Variants in ADAMTS17 observed in about 807,000 individuals in gnomAD.
ADAMTS17 encodes ADAM metallopeptidase with thrombospondin type 1 motif 17.
In ADAMTS17, 113 loss-of-function variants were observed where a neutral mutation model predicts 141.5. That is an observed-to-expected ratio of 0.80 (90% CI 0.69 to 0.93). The LOEUF is 0.93. ADAMTS17 is among the 40% of genes least tolerant of loss of function. The pLI is 0.00. For synonymous variants in ADAMTS17, 768 were observed against 630.6 expected (o/e 1.22, Z -3.27); for missense variants, 1,659 against 1,517.9 (o/e 1.09, Z -1.54).
At chr15:100,178,730 G>A (rs2040422564) in intron 8 of ADAMTS17, among the ~76,000 whole-genome samples, 1 of 152,020 alleles carries the variant, frequency 6.6e-6, no homozygotes, top group Non-Finnish European at 1.5e-5. Flanking sequence ...TTCTTTAAGG[G>A]TCCGTTTACT....
At chr15:100,094,481 G>C (rs2035645431) in intron 15 of ADAMTS17, among the ~76,000 whole-genome samples, 1 of 152,170 alleles carries the variant, frequency 6.6e-6, no homozygotes, top group Non-Finnish European at 1.5e-5. Flanking sequence ...TCAGAGTCTG[G>C]GTAAAGGAAG....
At chr15:100,276,005 G>A (rs2044068468) in intron 4 of ADAMTS17, among the ~76,000 whole-genome samples, 2 of 69,964 alleles carry the variant, frequency 2.9e-5, no homozygotes, top group Non-Finnish European at 2.8e-5. Flanking sequence ...CTAAGTGGGA[G>A]GGTGGGAGGG....
intron 8 of ADAMTS17, among the ~76,000 whole-genome samples, chr15:100,197,384 G>A (rs953190128): frequency 2.0e-5 from 3 of 152,174 alleles, no homozygotes; most frequent in Non-Finnish European, 1.5e-5. Context: ...TAATCATTAG[G>A]TAATTGATTC....
chr15:100,301,322 G>GTT lies in ADAMTS17; in HGVS notation c.617-19923_617-19922dup, dbSNP rs201539747. Among the ~76,000 whole-genome samples the GTT allele has an allele frequency of 3.6e-3, 516 of 143,438 alleles. 5 individuals carry two copies. Among genetic ancestry groups the GTT allele is most frequent in the African/African-American group, 0.012 (483 of 39,592 alleles). The allele number at this position is 143,438 out of a possible 152,430, so 94.1% of individuals were successfully genotyped here. ...TTTCTCTCTCTACTGTTCTATGTGA[G>GTT]TTATATATATATATATATTTTTCTG... On this transcript the variant is annotated intron_variant, in intron 3 of 21. Coordinates refer to ENST00000268070, the MANE Select transcript of ADAMTS17 (RefSeq NM_139057.4).
rs973247918 is a variant in ADAMTS17, at chr15:99,974,046, C to G, written c.*356G>C. 31 of 371,264 alleles carry G rather than the reference C, an allele frequency of 8.3e-5. No homozygotes were observed. The highest frequency in any genetic ancestry group is 1.3e-4 in the Non-Finnish European group (26 of 193,580). The allele number at this position is 371,264 out of a possible 1,614,324, so 23.0% of individuals were successfully genotyped here. A position where few individuals can be genotyped will look rare whatever the true frequency, so the allele number is the denominator to read the frequency against. The stretch of plus-strand genomic sequence containing the variant: ...TGGGGATGTTTCCTCCATGATATAC[C>G]AAGCACTGGAAATTCAAATGTCAAA... On this transcript the variant is annotated 3_prime_UTR_variant, in exon 22 of 22. Transcript: ENST00000268070.
At chr15:100,233,380 C>G (rs10902565) in intron 7 of ADAMTS17, among the ~76,000 whole-genome samples, 1 of 151,584 alleles carries the variant, frequency 6.6e-6, no homozygotes, top group African/African-American at 2.4e-5. Flanking sequence ...TCATATAAGT[C>G]GCCGTTTTTT....
At position 99,972,862 on chromosome 15, in the gene ADAMTS17, T is replaced by G. The variant is rs2060239482; in HGVS notation, c.*1540A>C. ...CTGATTTAAGCTAACTCTACGGTTGTGACATGTAACAAAACAAAACACAGA... is the reference window on the plus strand; with the variant it reads ...CTGATTTAAGCTAACTCTACGGTTGGGACATGTAACAAAACAAAACACAGA... On this transcript the variant is annotated 3_prime_UTR_variant, in exon 22 of 22. Transcript: ENST00000268070. 1 of 152,138 alleles carries G rather than the reference T, an allele frequency of 6.6e-6. No individual in the cohort carries two copies. Among genetic ancestry groups the G allele is most frequent in the Non-Finnish European group, 1.5e-5 (1 of 68,040 alleles). The allele number at this position is 152,138 out of a possible 1,614,324, so 9.4% of individuals were successfully genotyped here. A position where few individuals can be genotyped will look rare whatever the true frequency, so the allele number is the denominator to read the frequency against.
chr15:100,025,405 TTTTCTTTTC>T (rs2061490101), intron 18 of ADAMTS17, among the ~76,000 whole-genome samples: 1 of 146,518 alleles, frequency 6.8e-6, no homozygotes, highest in African/African-American at 2.7e-5. Context: ...TTTTCTCTTC[TTTTCTTTTC>T]TTTTTTTTTT....
intron 3 of ADAMTS17, among the ~76,000 whole-genome samples, chr15:100,315,238 G>A (rs543658070): frequency 1.4e-4 from 21 of 152,288 alleles, no homozygotes; most frequent in African/African-American, 4.1e-4. Context: ...GGAGTCCACC[G>A]TGCAGGGGCA....
intron 15 of ADAMTS17, among the ~76,000 whole-genome samples, chr15:100,085,839 G>A (rs558051168): frequency 1.3e-5 from 2 of 152,160 alleles, no homozygotes; most frequent in South Asian, 2.1e-4. Context: ...AAGAGCTCTT[G>A]AAGGAAGCAC....
chr15:100,296,292 G>A (rs1039499013), intron 3 of ADAMTS17, among the ~76,000 whole-genome samples: 7 of 151,860 alleles, frequency 4.6e-5, no homozygotes, highest in African/African-American at 1.7e-4. Context: ...CAAAAGATCT[G>A]TTTATAGAAA....
chr15:100,199,183 C>T, intron 8 of ADAMTS17, 135 bp downstream of exon 8: 2 of 815,514 alleles, frequency 2.5e-6, no homozygotes, highest in South Asian at 2.8e-5. Context: ...CCCTAGTGTA[C>T]TGACCTGGGT....
intron 7 of ADAMTS17, among the ~76,000 whole-genome samples, chr15:100,248,256 A>C (rs1174933853): frequency 6.6e-6 from 1 of 152,158 alleles, no homozygotes; most frequent in East Asian, 1.9e-4. Flanking sequence ...CAAAAAGAAG[A>C]CTAGCTTGAT....
intron 15 of ADAMTS17, among the ~76,000 whole-genome samples, chr15:100,057,046 G>A (rs1327870353): frequency 1.3e-5 from 2 of 152,128 alleles, no homozygotes; most frequent in Non-Finnish European, 2.9e-5. Flanking sequence ...GCTCAGTGGT[G>A]TGTGGCTGCC....
chr15:100,186,590 C>T (rs926421126), intron 8 of ADAMTS17, among the ~76,000 whole-genome samples: 1 of 152,186 alleles, frequency 6.6e-6, no homozygotes, highest in African/African-American at 2.4e-5. Context: ...ATTCCAGCGC[C>T]CGGGGCAGGC....
intron 12 of ADAMTS17, among the ~76,000 whole-genome samples, chr15:100,130,268 G>A (rs1019756085): frequency 6.6e-6 from 1 of 151,690 alleles, no homozygotes; most frequent in Non-Finnish European, 1.5e-5. Context: ...CGAGGCTGAG[G>A]CAGGAGAATC....
intron 7 of ADAMTS17, among the ~76,000 whole-genome samples, chr15:100,201,711 A>T (rs1371179954): frequency 6.6e-6 from 1 of 152,148 alleles, no homozygotes; most frequent in Admixed American, 6.5e-5. Context: ...TTGCCTCAAG[A>T]TGGTTTTGTG....
intron 15 of ADAMTS17, among the ~76,000 whole-genome samples, chr15:100,075,973 C>T (rs2034344737): frequency 6.6e-6 from 1 of 152,146 alleles, no homozygotes; most frequent in Non-Finnish European, 1.5e-5. Context: ...TTTCATCTCT[C>T]TTTCTTGCTT....
At chr15:99,980,532 G>A (rs1005656682) in intron 20 of ADAMTS17, 4 of 152,226 alleles carry the variant, frequency 2.6e-5, no homozygotes, top group African/African-American at 9.7e-5. Flanking sequence ...GGATTTCTGG[G>A]GAGGAAACTG....
Sources: gnomAD v4.1 joint callset for allele counts (sites outside exome capture counted in the v4.1 genomes callset) on GRCh38, gnomAD v4.1.1 for gene constraint, MANE v1.5 for transcripts, NCBI Gene and HGNC (gene_info 2026-07-23, HGNC 2026-07-21) for gene names.